The following C8orf34 variants were observed in gnomAD, a reference collection of about 807,000 sequenced individuals.
C8orf34 encodes the protein uncharacterized protein C8orf34.
A neutral mutation model predicts 68.3 loss-of-function variants in C8orf34; 65 were observed. That is an observed-to-expected ratio of 0.95 (90% CI 0.78 to 1.17). The LOEUF (loss-of-function observed/expected upper bound fraction) is 1.17, where lower values mean the gene tolerates loss of function less well. C8orf34 is among the 50% of genes most tolerant of loss of function. The pLI, the probability that C8orf34 is intolerant of heterozygous loss-of-function variation, is 0.00. For synonymous variants in C8orf34, 244 were observed against 241.2 expected (o/e 1.01, Z -0.11); for missense variants, 664 against 655.4 (o/e 1.01, Z -0.14).
chr8:68,388,139 C>A (rs1396306290), intron 1 of C8orf34, among the ~76,000 whole-genome samples: 1 of 152,116 alleles, frequency 6.6e-6, no homozygotes, highest in Non-Finnish European at 1.5e-5. Flanking sequence ...TGGTCTTATT[C>A]CAGATAAAAC....
At chr8:68,755,483 C>A (rs150611587) in intron 10 of C8orf34, among the ~76,000 whole-genome samples, 10 of 152,228 alleles carry the variant, frequency 6.6e-5, no homozygotes, top group Admixed American at 3.3e-4. Context: ...ATCTTCATAC[C>A]AATCCTATGT....
chr8:68,374,617 A>G (rs949642335), intron 1 of C8orf34, among the ~76,000 whole-genome samples: 1 of 152,180 alleles, frequency 6.6e-6, no homozygotes. Flanking sequence ...ACATTAACGT[A>G]TTTCTCCCAG....
chr8:68,598,296 A>G (rs915820483), intron 7 of C8orf34, among the ~76,000 whole-genome samples: 6 of 152,160 alleles, frequency 3.9e-5, no homozygotes, highest in Non-Finnish European at 8.8e-5. Flanking sequence ...CATATCCCCC[A>G]AATGTCTAAA....
chr8:68,515,915 C>G (rs1814491680), intron 5 of C8orf34, among the ~76,000 whole-genome samples: 1 of 152,334 alleles, frequency 6.6e-6, no homozygotes, highest in Non-Finnish European at 1.5e-5. Context: ...AAAGAGCTAA[C>G]AGTCCGCTTA....
intron 1 of C8orf34, among the ~76,000 whole-genome samples, chr8:68,417,427 G>A (rs1809724408): frequency 6.6e-6 from 1 of 151,970 alleles, no homozygotes; most frequent in African/African-American, 2.4e-5. Context: ...AAATAAACTT[G>A]TACAGCACCC....
At chr8:68,563,240 A>G (rs1816487605) in intron 7 of C8orf34, among the ~76,000 whole-genome samples, 1 of 152,194 alleles carries the variant, frequency 6.6e-6, no homozygotes, top group Admixed American at 6.5e-5. Flanking sequence ...TTGATTTCTT[A>G]TTCAAAGTAA....
intron 7 of C8orf34, among the ~76,000 whole-genome samples, chr8:68,538,464 A>G (rs1433333618): frequency 6.9e-6 from 1 of 145,484 alleles, no homozygotes; most frequent in East Asian, 2.0e-4. Context: ...ATTTCTCTAA[A>G]GTGCTTTTTT....
At chr8:68,590,346 G>T (rs935591423) in intron 7 of C8orf34, among the ~76,000 whole-genome samples, 3 of 152,052 alleles carry the variant, frequency 2.0e-5, no homozygotes, top group African/African-American at 7.2e-5. Flanking sequence ...ATTATATTAA[G>T]AAAGAGATAT....
chr8:68,618,790 G>A (rs961126575), intron 7 of C8orf34, among the ~76,000 whole-genome samples: 6 of 152,154 alleles, frequency 3.9e-5, no homozygotes, highest in Admixed American at 3.9e-4. Context: ...ATCTAGAGGG[G>A]AGCAGACAAA....
At chr8:68,564,039 T>G (rs2130194920) in intron 7 of C8orf34, among the ~76,000 whole-genome samples, 1 of 152,340 alleles carries the variant, frequency 6.6e-6, no homozygotes, top group South Asian at 2.1e-4. Flanking sequence ...TAAAAAATGC[T>G]ATGTTATATA....
chr8:68,815,151 C>A (rs1042077115), intron 12 of C8orf34, among the ~76,000 whole-genome samples: 1 of 152,108 alleles, frequency 6.6e-6, no homozygotes, highest in African/African-American at 2.4e-5. Flanking sequence ...CTTATTTCAT[C>A]TGCTTTCACC....
intron 4 of C8orf34, among the ~76,000 whole-genome samples, chr8:68,474,921 G>T (rs1812539636): frequency 6.6e-6 from 1 of 152,176 alleles, no homozygotes; most frequent in African/African-American, 2.4e-5. Context: ...TCTCCATTCT[G>T]CCAATCAGCC....
intron 1 of C8orf34, among the ~76,000 whole-genome samples, chr8:68,406,072 GT>G (rs1263787953): frequency 6.6e-6 from 1 of 152,164 alleles, no homozygotes; most frequent in Non-Finnish European, 1.5e-5. Context: ...GTGTCAGGAG[GT>G]GGGTTGTGTG....
intron 8 of C8orf34, among the ~76,000 whole-genome samples, chr8:68,686,526 G>A (rs147250498): frequency 9.9e-5 from 15 of 151,830 alleles, no homozygotes; most frequent in South Asian, 6.2e-4. Flanking sequence ...TTAAAGAACC[G>A]TATGATCATC....
intron 10 of C8orf34, among the ~76,000 whole-genome samples, chr8:68,761,730 C>T (rs1048886119): frequency 3.9e-5 from 6 of 152,106 alleles, no homozygotes; most frequent in Admixed American, 3.3e-4. Context: ...TCTGCTGTAC[C>T]TTTACTAATG....
chr8:68,585,828 G>A (rs1354036519), intron 7 of C8orf34, among the ~76,000 whole-genome samples: 2 of 152,106 alleles, frequency 1.3e-5, no homozygotes, highest in Non-Finnish European at 2.9e-5. Context: ...GAGGAGGAGA[G>A]AGACAGAAAG....
At chr8:68,390,641 G>C (rs1281527555) in intron 1 of C8orf34, among the ~76,000 whole-genome samples, 1 of 152,094 alleles carries the variant, frequency 6.6e-6, no homozygotes, top group Non-Finnish European at 1.5e-5. Context: ...CCCAGGCATG[G>C]GTTTTGGAAC....
chr8:68,401,516 C>T (rs763268117), intron 1 of C8orf34, among the ~76,000 whole-genome samples: 1 of 152,048 alleles, frequency 6.6e-6, no homozygotes, highest in Non-Finnish European at 1.5e-5. Flanking sequence ...TTGGGTTTCT[C>T]ATATATGGCC....
intron 10 of C8orf34, among the ~76,000 whole-genome samples, chr8:68,770,683 C>T (rs996575479): frequency 2.6e-5 from 4 of 152,190 alleles, no homozygotes; most frequent in African/African-American, 9.6e-5. Context: ...AAAATAAAAA[C>T]GGCTTTATTT....
Sources: gnomAD v4.1 joint callset for allele counts (sites outside exome capture counted in the v4.1 genomes callset) on GRCh38, gnomAD v4.1.1 for gene constraint, MANE v1.5 for transcripts, NCBI Gene and HGNC (gene_info 2026-07-23, HGNC 2026-07-21) for gene names.